Variants in BICC1 observed in about 807,000 individuals in gnomAD.
BICC1 encodes protein bicaudal C homolog 1.
In BICC1, 43 loss-of-function variants were observed where a neutral mutation model predicts 111.0. The ratio of observed to expected loss-of-function variants is 0.39; its 90% CI spans 0.30 to 0.50. The LOEUF (loss-of-function observed/expected upper bound fraction) is 0.50, where lower values mean the gene tolerates loss of function less well. Among genes scored for constraint, BICC1 ranks in the 20% least tolerant of loss-of-function variants. The pLI, the probability that BICC1 is intolerant of heterozygous loss-of-function variation, is 0.88. For synonymous variants in BICC1, 467 were observed against 434.4 expected, an observed-to-expected ratio of 1.07 and a Z score of -0.93; for missense variants, 1,091 against 1,203.2, an observed-to-expected ratio of 0.91 and a Z score of 1.38.
intron 3 of BICC1, among the ~76,000 whole-genome samples, chr10:58,708,712 A>G (rs1016527543): frequency 3.7e-3 from 5 of 1,348 alleles, no homozygotes; most frequent in Non-Finnish European, 0.014. Flanking sequence ...GGCCTGTGCC[A>G]TGTTGCCTGC....
chr10:58,777,868 G>C (rs896899842), intron 3 of BICC1, among the ~76,000 whole-genome samples: 1 of 152,184 alleles, frequency 6.6e-6, no homozygotes, highest in Non-Finnish European at 1.5e-5. Context: ...TGCACTGCTT[G>C]CTGTCTGTTC....
At chr10:58,812,937 GA>G (rs1843958049) in intron 17 of BICC1, among the ~76,000 whole-genome samples, 1 of 152,148 alleles carries the variant, frequency 6.6e-6, no homozygotes, top group East Asian at 1.9e-4. Flanking sequence ...TGACATTTTA[GA>G]ATGTAAAATA....
chr10:58,738,204 G>T (rs1841536218), intron 3 of BICC1, among the ~76,000 whole-genome samples: 1 of 152,156 alleles, frequency 6.6e-6, no homozygotes, highest in Non-Finnish European at 1.5e-5. Flanking sequence ...TTTTCTTCTA[G>T]GGTTTTTATG....
At chr10:58,687,762 A>G (rs999789985) in intron 2 of BICC1, among the ~76,000 whole-genome samples, 3 of 152,222 alleles carry the variant, frequency 2.0e-5, no homozygotes, top group Non-Finnish European at 4.4e-5. Context: ...TCCAGGTACT[A>G]TTCTGTCACG....
At chr10:58,625,366 A>C (rs776724634) in intron 2 of BICC1, among the ~76,000 whole-genome samples, 1 of 152,216 alleles carries the variant, frequency 6.6e-6, no homozygotes, top group Non-Finnish European at 1.5e-5. Context: ...TGTATTACAC[A>C]TGTGACTCAT....
rs913711291 is a variant in BICC1, at chr10:58,760,576, A to T, written c.308-24425A>T. On this transcript the variant is annotated intron_variant, in intron 3 of 20. Transcript: ENST00000373886. ...GTCCTTGTTAATGGCTTTGAGAATT[A>T]TTTTTTTTACCATTAAAGAATAATT... Among the ~76,000 whole-genome samples, 7 of 152,032 alleles carry T rather than the reference A, an allele frequency of 4.6e-5. No individual in the cohort carries two copies. The East Asian group carries it at 5.8e-4, about 13-fold the overall frequency.
intron 3 of BICC1, among the ~76,000 whole-genome samples, chr10:58,746,326 A>G (rs1033038132): frequency 2.0e-5 from 3 of 152,264 alleles, no homozygotes; most frequent in Middle Eastern, 3.4e-3. Flanking sequence ...AGCATTTACA[A>G]ATGTTTTCAT....
At chr10:58,512,831 C>T (rs1043458216), upstream of BICC1, among the ~76,000 whole-genome samples, 38 of 149,408 alleles carry the variant, frequency 2.5e-4, no homozygotes, top group African/African-American at 9.2e-4. Flanking sequence ...GGAGGGGGCG[C>T]CGAGCCCTGC....
At chr10:58,679,550 T>G (rs1839450374) in intron 2 of BICC1, among the ~76,000 whole-genome samples, 1 of 152,104 alleles carries the variant, frequency 6.6e-6, no homozygotes, top group Non-Finnish European at 1.5e-5. Flanking sequence ...ATTAATAGCT[T>G]ACCAACCAAA....
At position 58,829,149 on chromosome 10, in the gene BICC1, T is replaced by C. The variant is rs897313538; in HGVS notation, c.*258T>C. 3.5e-5 allele frequency: 11 copies of C among 311,960 alleles called. No individual in the cohort carries two copies. The highest frequency in any genetic ancestry group is 2.4e-4 in the African/African-American group (11 of 46,096). The allele number at this position is 311,960 out of a possible 1,614,324, so 19.3% of individuals were successfully genotyped here. On this transcript the variant is annotated 3_prime_UTR_variant, in exon 21 of 21. Transcript: ENST00000373886. ...AATTTGCAATATAAGGATAGGGCTTTATTTCCTGTTTTTATTTACCTATAT... is the reference window on the plus strand; with the variant it reads ...AATTTGCAATATAAGGATAGGGCTTCATTTCCTGTTTTTATTTACCTATAT...
chr10:58,513,696 G>C (rs1842161914), intron 1 of BICC1, among the ~76,000 whole-genome samples: 1 of 152,230 alleles, frequency 6.6e-6, no homozygotes, highest in Non-Finnish European at 1.5e-5. Flanking sequence ...CAGAGTATGC[G>C]TGACCCTCCC....
At chr10:58,743,792 T>TTA (rs1841746128) in intron 3 of BICC1, among the ~76,000 whole-genome samples, 1 of 150,898 alleles carries the variant, frequency 6.6e-6, no homozygotes, top group Admixed American at 6.6e-5. Context: ...TTTTTTTTTT[T>TTA]AAAGCAGATG....
intron 3 of BICC1, among the ~76,000 whole-genome samples, chr10:58,740,325 A>G (rs1311788080): frequency 1.3e-5 from 2 of 152,204 alleles, no homozygotes; most frequent in Non-Finnish European, 2.9e-5. Context: ...AGACGATTAT[A>G]ATTTAGAAAT....
In BICC1 at chr10:58,789,753, A is replaced by G. The variant is rs1843120382; in HGVS notation, c.867A>G (p.Leu289=). ...CAGCTATTCCTGTGAGCACACAACT[A>G]GATATTGCAGCTCAACATCATCTCT... is the stretch of plus-strand genomic sequence containing the variant. ...LASAIPVSTQ[L]DIAAQHHLFM... is the part of the protein sequence containing the mutation. Residue 289 remains leucine, a synonymous_variant, in exon 8 of 21, where the codon CTA becomes CTG. Coordinates refer to ENST00000373886, the MANE Select transcript of BICC1 (RefSeq NM_001080512.3). 3.1e-6 allele frequency: 5 copies of G among 1,614,098 alleles called. No homozygotes were observed. Among genetic ancestry groups the G allele is most frequent in the Non-Finnish European group, 4.2e-6 (5 of 1,179,966 alleles).
chr10:58,747,654 A>G (rs1400850491), intron 3 of BICC1, among the ~76,000 whole-genome samples: 2 of 152,150 alleles, frequency 1.3e-5, no homozygotes, highest in Non-Finnish European at 2.9e-5. Context: ...TAAAATATAC[A>G]TTATGGAGTA....
intron 2 of BICC1, among the ~76,000 whole-genome samples, chr10:58,626,728 C>T (rs1307605625): frequency 6.6e-6 from 1 of 152,164 alleles, no homozygotes; most frequent in East Asian, 1.9e-4. Context: ...TTCACACAAC[C>T]TCTTTATGAA....
chr10:58,788,396 A>G lies in BICC1; in HGVS notation c.573A>G (p.Gly191=). 1 of 1,611,618 alleles carries G rather than the reference A, an allele frequency of 6.2e-7. No homozygotes were observed. Among genetic ancestry groups the G allele is most frequent in the East Asian group, 2.2e-5 (1 of 44,844 alleles). The change falls in exon 6 of 21, where the codon GGA becomes GGG. Residue 191 remains glycine, a synonymous_variant. Coordinates refer to ENST00000373886, the MANE Select transcript of BICC1 (RefSeq NM_001080512.3). ...TATCTATAGCGGGACAACCAGCAGGAGTAGAATCTGCCCGAGTTAGAATTC... is the reference window on the plus strand; with the variant it reads ...TATCTATAGCGGGACAACCAGCAGGGGTAGAATCTGCCCGAGTTAGAATTC... The part of the protein sequence containing the change: ...NQVSIAGQPA[G]VESARVRIRE...
chr10:58,711,607 T>G (rs1044851525), intron 3 of BICC1, among the ~76,000 whole-genome samples: 3 of 152,182 alleles, frequency 2.0e-5, no homozygotes, highest in Non-Finnish European at 4.4e-5. Context: ...TTTCTTGATC[T>G]CCAGCTAGTT....
chr10:58,789,916 G>T lies in BICC1; in HGVS notation c.1030G>T (p.Ala344Ser). Residue 344 changes from alanine (A) to serine (S), a missense_variant, in exon 8 of 21, where the codon GCA becomes TCA. Coordinates refer to ENST00000373886, the MANE Select transcript of BICC1 (RefSeq NM_001080512.3). Reference protein sequence around the residue: ...LQGTIESVCLARQYLMGCLPL... With the variant: ...LQGTIESVCLSRQYLMGCLPL... ...GGGCACCATTGAGTCTGTCTGTCTT[G>T]CAAGGCAATATCTCATGGTAAGGTT... 6.2e-7 allele frequency: 1 copy of T among 1,614,076 alleles called. No individual in the cohort carries two copies. Among genetic ancestry groups the T allele is most frequent in the Non-Finnish European group, 8.5e-7 (1 of 1,180,016 alleles).
Sources: gnomAD v4.1 joint callset for allele counts (sites outside exome capture counted in the v4.1 genomes callset) on GRCh38, gnomAD v4.1.1 for gene constraint, MANE v1.5 for transcripts, NCBI Gene and HGNC (gene_info 2026-07-23, HGNC 2026-07-21) for gene names.